Variants in TMEM232 observed in about 807,000 individuals in gnomAD.
TMEM232 encodes transmembrane protein 232.
TMEM232 carries 80 observed loss-of-function variants against 78.8 expected under a neutral mutation model. That is an observed-to-expected ratio of 1.01 (90% CI 0.85 to 1.22). The LOEUF (loss-of-function observed/expected upper bound fraction) is 1.22, where lower values mean the gene tolerates loss of function less well. TMEM232 is among the 50% of genes most tolerant of loss of function. The probability of loss-of-function intolerance (pLI) is 0.00; values close to 1 mark genes in which losing one functional copy is unlikely to be tolerated. For missense variants in TMEM232, 881 were observed against 742.2 expected (o/e 1.19, Z -2.17); for synonymous variants, 297 against 254.3 (o/e 1.17, Z -1.60).
downstream of TMEM232, among the ~76,000 whole-genome samples, chr5:110,416,430 T>C (rs1049675308): frequency 1.3e-5 from 2 of 152,106 alleles, no homozygotes; most frequent in African/African-American, 4.8e-5. Flanking sequence ...CTTCAGCAAA[T>C]TGAGATGTGA....
chr5:110,693,450 T>G lies in TMEM232; in HGVS notation c.-12-26086A>C, dbSNP rs572130450. Among the ~76,000 whole-genome samples, 15 of 152,244 alleles carry G rather than the reference T, an allele frequency of 9.9e-5. No individual in the cohort carries two copies. The South Asian group carries it at 1.7e-3, about 17-fold the overall frequency. On this transcript the variant is annotated intron_variant, in intron 1 of 13. Coordinates refer to ENST00000455884, the MANE Select transcript of TMEM232 (RefSeq NM_001039763.4). ...TCACCAGCAACAGAAGAAAGCTGGATAGAGAATGACTTTGACAAGTTGAGA... is the reference window on the plus strand; with the variant it reads ...TCACCAGCAACAGAAGAAAGCTGGAGAGAGAATGACTTTGACAAGTTGAGA...
chr5:110,499,481 C>G (rs982879678), intron 12 of TMEM232, among the ~76,000 whole-genome samples: 2 of 152,062 alleles, frequency 1.3e-5, no homozygotes, highest in African/African-American at 4.8e-5. Context: ...GTCTAGAACT[C>G]CTAGGCTCAA....
intron 12 of TMEM232, among the ~76,000 whole-genome samples, chr5:110,447,725 A>G (rs941613686): frequency 2.0e-5 from 3 of 152,154 alleles, no homozygotes; most frequent in African/African-American, 7.2e-5. Context: ...TCAGAGGAAA[A>G]AAAGATTTGA....
chr5:110,620,003 T>C (rs983249266), intron 7 of TMEM232, among the ~76,000 whole-genome samples: 71 of 152,272 alleles, frequency 4.7e-4, no homozygotes, highest in African/African-American at 1.6e-3. Flanking sequence ...ATTTTAATCA[T>C]AGATATTGCA....
At chr5:110,442,300 A>G (rs775120901) in intron 12 of TMEM232, among the ~76,000 whole-genome samples, 5 of 151,832 alleles carry the variant, frequency 3.3e-5, no homozygotes, top group Admixed American at 6.6e-5. Context: ...GTAGATACTC[A>G]TTCCCTTTTA....
At chr5:110,573,106 A>G (rs1777152010) in intron 10 of TMEM232, among the ~76,000 whole-genome samples, 1 of 152,096 alleles carries the variant, frequency 6.6e-6, no homozygotes, top group Non-Finnish European at 1.5e-5. Context: ...TAATAAATTC[A>G]AAAATTTTAT....
chr5:110,391,347 G>GAGAGAGAA (rs752486137), intron 3 of TMEM232, among the ~76,000 whole-genome samples: 17 of 150,494 alleles, frequency 1.1e-4, no homozygotes, highest in African/African-American at 3.2e-4. Context: ...GAGAGAGAGA[G>GAGAGAGAA]AAACCTCTGT....
intron 7 of TMEM232, 54 bp from the exon 8 acceptor site, chr5:110,618,616 A>G (rs1783237179): frequency 6.8e-7 from 1 of 1,474,912 alleles, no homozygotes; most frequent in Admixed American, 2.5e-5. Flanking sequence ...TATGAGAAAG[A>G]GTACTCTGAC....
At position 110,450,344 on chromosome 5, in the gene TMEM232, T is replaced by C. The variant is rs551960376; in HGVS notation, c.1704-25428A>G. Among the ~76,000 whole-genome samples the C allele has an allele frequency of 3.3e-5, 5 of 151,136 alleles. No individual in the cohort carries two copies. In the South Asian group the frequency reaches 1.1e-3, roughly 32 times the overall value. ...CAAATAGCTGCCTGGAGCTGTTTTT[T>C]CAGATTTTGCCTGTTTGTTTGTTTT... is the stretch of plus-strand genomic sequence containing the variant. On this transcript the variant is annotated intron_variant, in intron 12 of 13. Coordinates refer to ENST00000455884, the MANE Select transcript of TMEM232 (RefSeq NM_001039763.4).
chr5:110,522,180 C>G (rs1769622576), intron 12 of TMEM232, among the ~76,000 whole-genome samples: 1 of 152,064 alleles, frequency 6.6e-6, no homozygotes, highest in Non-Finnish European at 1.5e-5. Flanking sequence ...CTTTTTCATA[C>G]TATTGTAAAT....
intron 9 of TMEM232, 23 bp downstream of exon 9, chr5:110,606,141 C>G: frequency 6.6e-7 from 1 of 1,525,142 alleles, no homozygotes; most frequent in Non-Finnish European, 8.8e-7. Context: ...GTTCTCTTTT[C>G]ACATATAAAT....
intron 12 of TMEM232, among the ~76,000 whole-genome samples, chr5:110,460,657 A>G (rs1761416473): frequency 6.7e-6 from 1 of 149,484 alleles, no homozygotes; most frequent in Non-Finnish European, 1.5e-5. Flanking sequence ...AATTGCACAG[A>G]TATTGCATTT....
chr5:110,484,688 C>T (rs1764269234), intron 12 of TMEM232, among the ~76,000 whole-genome samples: 1 of 151,366 alleles, frequency 6.6e-6, no homozygotes, highest in Admixed American at 6.6e-5. Context: ...GACTATAAGA[C>T]AAAAATTGCT....
rs772538211 is a variant in TMEM232 at position 110,528,643 on chromosome 5, ATT to A, written c.1646_1647del (p.Lys549IlefsTer4). The A allele has an allele frequency of 2.3e-5, 36 of 1,533,366 alleles. No homozygotes were observed. The highest frequency in any genetic ancestry group is 3.1e-5 in the Non-Finnish European group (35 of 1,145,504). The allele number at this position is 1,533,366 out of a possible 1,614,324, so 95.0% of individuals were successfully genotyped here. ...ACAGACTCCAGCTTTTTATTTGGATATTTTGTTTGATCCTTTTTTATTGATGG... is the reference window on the plus strand; with the variant it reads ...ACAGACTCCAGCTTTTTATTTGGATATTGTTTGATCCTTTTTTATTGATGG... ...KKPSIKKDQTKYPNKKLESVK... is the reference protein window; with the variant it reads ...KKPSIKKDQTXYPNKKLESVK... On this transcript the variant is annotated frameshift_variant, in exon 12 of 14. Coordinates refer to ENST00000455884, the MANE Select transcript of TMEM232 (RefSeq NM_001039763.4). LOFTEE classifies it high-confidence loss of function.
At chr5:110,509,416 T>A (rs551660758) in intron 12 of TMEM232, among the ~76,000 whole-genome samples, 1 of 152,020 alleles carries the variant, frequency 6.6e-6, no homozygotes, top group Non-Finnish European at 1.5e-5. Context: ...GCCTGGGCAA[T>A]AGAGCAAGAC....
At chr5:110,439,229 A>G (rs143751329) in intron 12 of TMEM232, among the ~76,000 whole-genome samples, 1 of 152,282 alleles carries the variant, frequency 6.6e-6, no homozygotes, top group Non-Finnish European at 1.5e-5. Flanking sequence ...TCTAACACTG[A>G]AACAGTTTCC....
chr5:110,448,407 A>C lies in TMEM232; in HGVS notation c.1704-23491T>G, dbSNP rs570130263. Among the ~76,000 whole-genome samples the C allele has an allele frequency of 3.6e-4, 55 of 152,196 alleles. 1 individual carries two copies. Among genetic ancestry groups the C allele is most frequent in the African/African-American group, 1.3e-3 (55 of 41,570 alleles). On this transcript the variant is annotated intron_variant, in intron 12 of 13. Coordinates refer to ENST00000455884, the MANE Select transcript of TMEM232 (RefSeq NM_001039763.4). ...AAAGCCATTAGACCTTAAACCCTTTAAGAGCAACAATCTGTTATGTCGTTC... is the reference window on the plus strand; with the variant it reads ...AAAGCCATTAGACCTTAAACCCTTTCAGAGCAACAATCTGTTATGTCGTTC...
At chr5:110,419,145 G>C (rs1756412525), downstream of TMEM232, among the ~76,000 whole-genome samples, 1 of 149,594 alleles carries the variant, frequency 6.7e-6, no homozygotes. Context: ...TTGGAGAAAA[G>C]GGACTAGCTG....
chr5:110,409,041 G>A (rs1281145240), intron 2 of TMEM232, among the ~76,000 whole-genome samples: 1 of 152,146 alleles, frequency 6.6e-6, no homozygotes, highest in African/African-American at 2.4e-5. Context: ...CACTATTGTA[G>A]CAATAGCTAA....
Sources: allele counts gnomAD v4.1 joint callset (sites outside exome capture counted in the v4.1 genomes callset), GRCh38; gene constraint gnomAD v4.1.1; transcripts MANE v1.5; gene names NCBI Gene and HGNC (gene_info 2026-07-23, HGNC 2026-07-21).